Variants in CADM2 observed in about 807,000 individuals in gnomAD.
CADM2 encodes immunoglobulin superfamily member 4D.
In CADM2, 12 loss-of-function variants were observed where a neutral mutation model predicts 49.8. The ratio of observed to expected loss-of-function variants is 0.24; its 90% CI spans 0.15 to 0.39. The LOEUF (loss-of-function observed/expected upper bound fraction) is 0.39. Ranked by LOEUF, CADM2 falls within the 10% of genes least tolerant of loss-of-function variation. The pLI is 1.00. For missense variants in CADM2, 378 were observed against 492.3 expected, an observed-to-expected ratio of 0.77 and a Z score of 2.20; for synonymous variants, 214 against 175.4, an observed-to-expected ratio of 1.22 and a Z score of -1.74.
intron 1 of CADM2, among the ~76,000 whole-genome samples, chr3:85,367,476 A>C (rs1216424714): frequency 6.6e-5 from 10 of 151,670 alleles, no homozygotes; most frequent in Admixed American, 2.0e-4. Context: ...TTGGAGTCTT[A>C]AGATCAAAAA....
rs2061828186 is a variant in CADM2 at position 85,552,366 on chromosome 3, G to GTGTTTTTTTTTTTT, written c.62-174155_62-174154insGTTTTTTTTTTTTT. ...TAAAATAATTAAATCACTTTGAAAA[G>GTGTTTTTTTTTTTT]TTTTTTTTTTTTTTTTTTTTTTTTT... is the stretch of plus-strand genomic sequence containing the variant. On this transcript the variant is annotated intron_variant, in intron 1 of 9. Coordinates refer to ENST00000383699, the MANE Select transcript of CADM2 (RefSeq NM_001167675.2). Among the ~76,000 whole-genome samples, 13 of 87,576 alleles carry GTGTTTTTTTTTTTT rather than the reference G, an allele frequency of 1.5e-4. 1 individual carries two copies. The highest frequency in any genetic ancestry group is 8.3e-3 in the Middle Eastern group (1 of 120). 57.5% of individuals were successfully genotyped at this position (87,576 alleles called of 152,430 possible). A position where few individuals can be genotyped will look rare whatever the true frequency, so the allele number is the denominator to read the frequency against.
intron 1 of CADM2, among the ~76,000 whole-genome samples, chr3:85,587,120 C>T (rs2062966442): frequency 6.6e-6 from 1 of 151,992 alleles, no homozygotes; most frequent in South Asian, 2.1e-4. Context: ...TATAATTTAC[C>T]TACTTCATCA....
intron 1 of CADM2, among the ~76,000 whole-genome samples, chr3:85,103,420 T>G (rs2038084994): frequency 6.6e-6 from 1 of 152,188 alleles, no homozygotes; most frequent in African/African-American, 2.4e-5. Context: ...TTCAGTATGA[T>G]AGTTTCCTGT....
intron 1 of CADM2, among the ~76,000 whole-genome samples, chr3:85,684,541 T>C (rs1461278007): frequency 1.3e-5 from 2 of 152,138 alleles, no homozygotes; most frequent in African/African-American, 4.8e-5. Context: ...GTGTATTAGT[T>C]CATTTTCATG....
chr3:84,971,828 AT>A (rs1343982447), intron 1 of CADM2, among the ~76,000 whole-genome samples: 1 of 152,022 alleles, frequency 6.6e-6, no homozygotes, highest in Non-Finnish European at 1.5e-5. Context: ...CATTAGGGAT[AT>A]TTTCTCCCAG....
intron 1 of CADM2, among the ~76,000 whole-genome samples, chr3:85,199,126 A>C (rs9844253): frequency 1 from 152,062 of 152,082 alleles, 76,021 homozygotes; most frequent in Middle Eastern, 1. Flanking sequence ...ACATTTATTA[A>C]TACAAACTAC....
chr3:85,149,678 G>C (rs1353341463), intron 1 of CADM2, among the ~76,000 whole-genome samples: 1 of 152,194 alleles, frequency 6.6e-6, no homozygotes, highest in African/African-American at 2.4e-5. Flanking sequence ...AGTGAGCCGA[G>C]ATCCTGCCAC....
At chr3:85,417,925 G>T (rs538923355) in intron 1 of CADM2, among the ~76,000 whole-genome samples, 1 of 152,196 alleles carries the variant, frequency 6.6e-6, no homozygotes, top group South Asian at 2.1e-4. Context: ...ATTTTGACAA[G>T]CTTCTAGGAA....
chr3:85,812,686 T>C (rs72908545), intron 3 of CADM2, among the ~76,000 whole-genome samples: 7,069 of 152,100 alleles, frequency 0.046, 530 homozygotes, highest in African/African-American at 0.16. Flanking sequence ...TCTACTAATG[T>C]TATCCCTCCC....
intron 1 of CADM2, among the ~76,000 whole-genome samples, chr3:85,541,319 CAT>C (rs1237716469): frequency 6.6e-6 from 1 of 151,516 alleles, no homozygotes; most frequent in Non-Finnish European, 1.5e-5. Flanking sequence ...TACACAAACA[CAT>C]ATGCATGTAT....
intron 1 of CADM2, among the ~76,000 whole-genome samples, chr3:85,506,459 TG>T (rs1439714221): frequency 1.3e-5 from 2 of 152,226 alleles, no homozygotes; most frequent in African/African-American, 4.8e-5. Flanking sequence ...TTCAATAACA[TG>T]TTAAAATTCA....
intron 2 of CADM2, among the ~76,000 whole-genome samples, chr3:85,773,756 G>C (rs1559647889): frequency 6.6e-6 from 1 of 151,930 alleles, no homozygotes; most frequent in South Asian, 2.1e-4. Flanking sequence ...GAGTGCTGGG[G>C]TTCGTGCCAA....
intron 1 of CADM2, among the ~76,000 whole-genome samples, chr3:85,160,261 T>G (rs2107666014): frequency 6.6e-6 from 1 of 152,214 alleles, no homozygotes; most frequent in South Asian, 2.1e-4. Flanking sequence ...AACCCAAAAT[T>G]ATTCATTTTT....
intron 1 of CADM2, among the ~76,000 whole-genome samples, chr3:85,131,393 T>A (rs970926584): frequency 3.9e-5 from 6 of 152,228 alleles, no homozygotes; most frequent in African/African-American, 1.4e-4. Context: ...AGTTTTTTAT[T>A]GAAAATAGTT....
At chr3:85,043,694 A>ATAAT (rs1199657283) in intron 1 of CADM2, among the ~76,000 whole-genome samples, 5 of 151,974 alleles carry the variant, frequency 3.3e-5, no homozygotes, top group Admixed American at 1.3e-4. Flanking sequence ...AAATAAATAA[A>ATAAT]TAAAAGGTCT....
At chr3:85,708,564 C>G (rs1383968479) in intron 1 of CADM2, among the ~76,000 whole-genome samples, 1 of 152,128 alleles carries the variant, frequency 6.6e-6, no homozygotes, top group African/African-American at 2.4e-5. Context: ...TGTGATGCAA[C>G]AGTGTAAGCA....
chr3:86,013,773 A>G (rs1731846084), intron 8 of CADM2: 6 of 1,589,144 alleles, frequency 3.8e-6, no homozygotes, highest in Middle Eastern at 2.3e-4. Flanking sequence ...GAAATTTCAC[A>G]CTATGATAAC....
At chr3:85,776,664 T>C (rs1189154047) in intron 2 of CADM2, among the ~76,000 whole-genome samples, 3 of 152,120 alleles carry the variant, frequency 2.0e-5, no homozygotes, top group Non-Finnish European at 4.4e-5. Flanking sequence ...TGCTCTTTAA[T>C]TGTGAGAGAA....
intron 7 of CADM2, among the ~76,000 whole-genome samples, chr3:85,941,572 T>C (rs568572137): frequency 6.6e-6 from 1 of 151,982 alleles, no homozygotes; most frequent in African/African-American, 2.4e-5. Flanking sequence ...AACGAGACAC[T>C]GGAAAATCCT....
Sources: gnomAD v4.1 joint callset for allele counts (sites outside exome capture counted in the v4.1 genomes callset) on GRCh38, gnomAD v4.1.1 for gene constraint, MANE v1.5 for transcripts, NCBI Gene and HGNC (gene_info 2026-07-23, HGNC 2026-07-21) for gene names.